ASNSD1: variants seen among roughly 807,000 people sequenced by gnomAD.
ASNSD1 encodes the protein asparagine synthetase domain-containing protein 1.
ASNSD1 carries 36 observed loss-of-function variants against 48.3 expected under a neutral mutation model. The observed-to-expected ratio is 0.75, with a 90% CI of 0.57 to 0.99. The LOEUF is 0.99. Among genes scored for constraint, ASNSD1 ranks in the 50% least tolerant of loss-of-function variants. The probability of loss-of-function intolerance (pLI) is 0.00; values close to 1 mark genes in which losing one functional copy is unlikely to be tolerated. For missense variants in ASNSD1, 714 were observed against 758.2 expected, an observed-to-expected ratio of 0.94 and a Z score of 0.69; for synonymous variants, 257 against 262.1, an observed-to-expected ratio of 0.98 and a Z score of 0.19.
At chr2:189,665,519 A>G (rs987876725) in intron 3 of ASNSD1, 68 bp downstream of exon 3, 7 of 378,784 alleles carry the variant, frequency 1.8e-5, no homozygotes, top group East Asian at 3.7e-5. Flanking sequence ...GTTAAAATAT[A>G]TATCTAAAGA....
At position 189,667,510 on chromosome 2, in the gene ASNSD1, A is replaced by G. The variant is rs142991277; in HGVS notation, c.1378A>G (p.Ile460Val). Reference protein sequence around the residue: ...RPLDTVLDDSIGCAVWFASRG... With the variant: ...RPLDTVLDDSVGCAVWFASRG... Reference sequence around the variant, plus strand: ...ATTGGATACAGTTTTGGATGATAGCATTGGCTGTGCAGTCTGGTTTGCTTC... The same window carrying G: ...ATTGGATACAGTTTTGGATGATAGCGTTGGCTGTGCAGTCTGGTTTGCTTC... The change falls in exon 4 of 6, where the codon ATT (isoleucine) becomes GTT (valine). Residue 460 changes from isoleucine to valine, a missense_variant. Physicochemically the swap from Ile to Val is conservative, Grantham distance 29. Coordinates refer to ENST00000260952, the MANE Select transcript of ASNSD1 (RefSeq NM_019048.4). 102 of 1,614,042 alleles carry G rather than the reference A, an allele frequency of 6.3e-5. 1 individual carries two copies. In the African/African-American group the frequency reaches 1.2e-3, roughly 19 times the overall value.
chr2:189,667,087 A>G lies in ASNSD1; in HGVS notation c.955A>G (p.Lys319Glu). 1.2e-6 allele frequency: 2 copies of G among 1,614,168 alleles called. No individual in the cohort carries two copies. The highest frequency in any genetic ancestry group is 1.6e-4 in the Middle Eastern group (1 of 6,062). Residue 319 changes from lysine to glutamate, a missense_variant, in exon 4 of 6, where the codon AAA (lysine) becomes GAA (glutamate). By Grantham distance (56) the Lys-to-Glu change is moderately conservative (BLOSUM62 1). Coordinates refer to ENST00000260952, the MANE Select transcript of ASNSD1 (RefSeq NM_019048.4). ...ANEVLKTCDR[K>E]ANVAILFSGG... is the part of the protein sequence containing the mutation. ...TGAAGTTTTGAAAACGTGTGATAGG[A>G]AAGCAAATGTTGCAATCCTGTTTTC...
In ASNSD1 at chr2:189,666,469, T is replaced by C. The variant is rs765982507; in HGVS notation, c.337T>C (p.Ser113Pro). The C allele has an allele frequency of 6.2e-7, 1 of 1,613,904 alleles. No homozygotes were observed. The highest frequency in any genetic ancestry group is 8.5e-7 in the Non-Finnish European group (1 of 1,179,926). Residue 113 changes from serine (S) to proline (P), a missense_variant, in exon 4 of 6, where the codon TCA (serine) becomes CCA (proline). Coordinates refer to ENST00000260952, the MANE Select transcript of ASNSD1 (RefSeq NM_019048.4). ...KNESEILSLF[S>P]EVQGPWSFIY... ...TGAATCTGAGATTTTGTCACTCTTC[T>C]CAGAAGTACAAGGTCCCTGGTCATT...
intron 3 of ASNSD1, among the ~76,000 whole-genome samples, 165 bp downstream of exon 3, chr2:189,665,616 A>ATATG (rs1455761332): frequency 1.4e-4 from 15 of 107,000 alleles, no homozygotes; most frequent in African/African-American, 4.9e-4. Flanking sequence ...ATATATATAT[A>ATATG]TATATATATA....
chr2:189,664,391 G>A lies in ASNSD1; in HGVS notation c.-169+437G>A, dbSNP rs143383631. ...AATTTTTACATAGATTTTCCTAAAT[G>A]TGTAACATGGTTATTTAATGCCATT... On this transcript the variant is annotated intron_variant, in intron 2 of 5. Coordinates refer to ENST00000260952, the MANE Select transcript of ASNSD1 (RefSeq NM_019048.4). Among the ~76,000 whole-genome samples, 155 of 152,308 alleles carry A rather than the reference G, an allele frequency of 1.0e-3. 1 individual carries two copies. The highest frequency in any genetic ancestry group is 3.4e-3 in the Middle Eastern group (1 of 294).
Position 189,667,322 on chromosome 2 carries a change from C to T in ASNSD1, c.1190C>T (p.Pro397Leu), listed in dbSNP as rs201954770. Reference protein sequence around the residue: ...KDVAAAAADSPNKHVSVPDRI... With the variant: ...KDVAAAAADSLNKHVSVPDRI... ...GTTGCTGCTGCTGCTGCTGACAGTC[C>T]TAATAAACATGTCAGTGTACCAGAT... Residue 397 changes from proline to leucine, a missense_variant, in exon 4 of 6, where the codon CCT becomes CTT. Coordinates refer to ENST00000260952, the MANE Select transcript of ASNSD1 (RefSeq NM_019048.4). 6.2e-7 allele frequency: 1 copy of T among 1,614,120 alleles called. No homozygotes were observed. Among genetic ancestry groups the T allele is most frequent in the African/African-American group, 1.3e-5 (1 of 75,052 alleles).
Position 189,666,388 on chromosome 2 carries a change from G to A in ASNSD1, c.256G>A (p.Glu86Lys). Reference sequence around the variant, plus strand: ...AGAAATTTTTAGTGGAATAAAGGTTGAAGCTGAAGAGAATGACACTCAAAT... The same window carrying A: ...AGAAATTTTTAGTGGAATAAAGGTTAAAGCTGAAGAGAATGACACTCAAAT... ...NGEIFSGIKV[E>K]AEENDTQILF... The change falls in exon 4 of 6, where the codon GAA becomes AAA. Residue 86 changes from glutamate (E) to lysine (K), a missense_variant. Glu to Lys is a moderately conservative substitution (Grantham distance 56). Coordinates refer to ENST00000260952, the MANE Select transcript of ASNSD1 (RefSeq NM_019048.4). 2 of 1,613,996 alleles carry A rather than the reference G, an allele frequency of 1.2e-6. No individual in the cohort carries two copies. The highest frequency in any genetic ancestry group is 2.2e-5 in the South Asian group (2 of 91,048).
chr2:189,666,865 A>T lies in ASNSD1; in HGVS notation c.733A>T (p.Asn245Tyr). Residue 245 changes from asparagine to tyrosine, a missense_variant, in exon 4 of 6, where the codon AAT becomes TAT. Physicochemically the swap from Asn to Tyr is moderately radical, Grantham distance 143. Transcript: ENST00000260952. The stretch of plus-strand genomic sequence containing the variant: ...TCTTGAAAAACCTGTTGTTCCTTTA[A>T]ATATGATGTTGCCACAAGCTGCATT... Reference protein sequence around the residue: ...LYLEKPVVPLNMMLPQAALET... With the variant: ...LYLEKPVVPLYMMLPQAALET... 1 of 1,614,094 alleles carries T rather than the reference A, an allele frequency of 6.2e-7. No homozygotes were observed. The highest frequency in any genetic ancestry group is 8.5e-7 in the Non-Finnish European group (1 of 1,180,008).
At position 189,661,555 on chromosome 2, in the gene ASNSD1, C is replaced by T. The variant is rs74593114; in HGVS notation, c.-278C>T. The T allele has an allele frequency of 4.8e-3, 1,923 of 399,288 alleles. 37 individuals are homozygous for T. Among genetic ancestry groups the T allele is most frequent in the African/African-American group, 0.036 (1,768 of 48,752 alleles). The allele number at this position is 399,288 out of a possible 1,614,324, so 24.7% of individuals were successfully genotyped here. On this transcript the variant is annotated 5_prime_UTR_variant, in exon 1 of 6. Coordinates refer to ENST00000260952, the MANE Select transcript of ASNSD1 (RefSeq NM_019048.4). Reference sequence around the variant, plus strand: ...CGAGGGACGCGACCAGAGGACAGCTCTGTGCTGATCCCCACCGACAATTCG... The same window carrying T: ...CGAGGGACGCGACCAGAGGACAGCTTTGTGCTGATCCCCACCGACAATTCG...
intron 5 of ASNSD1, 83 bp downstream of exon 5, chr2:189,668,028 C>T: frequency 7.7e-7 from 1 of 1,304,984 alleles, no homozygotes; most frequent in South Asian, 1.5e-5. Flanking sequence ...TTTGTTTTCT[C>T]TTTGGAGACT....
rs2032819228 is a variant in ASNSD1, at chr2:189,666,915, C to T, written c.783C>T (p.Ser261=). The T allele has an allele frequency of 6.2e-7, 1 of 1,613,846 alleles. No homozygotes were observed. The highest frequency in any genetic ancestry group is 1.7e-5 in the Admixed American group (1 of 59,994). The part of the protein sequence containing the change: ...AALETHCSNI[S]NVPPTREILQ... ...TGGAGACTCATTGCAGTAATATTTCCAATGTGCCACCTACAAGAGAGATAC... is the reference window on the plus strand; with the variant it reads ...TGGAGACTCATTGCAGTAATATTTCTAATGTGCCACCTACAAGAGAGATAC... The change falls in exon 4 of 6, where the codon TCC becomes TCT. Residue 261 remains serine, a synonymous_variant. Coordinates refer to ENST00000260952, the MANE Select transcript of ASNSD1 (RefSeq NM_019048.4).
rs1390747011 is a variant in ASNSD1 at position 189,666,990 on chromosome 2, C to T, written c.858C>T (p.Phe286=). The T allele has an allele frequency of 1.2e-6, 2 of 1,614,162 alleles. No individual in the cohort carries two copies. The highest frequency in any genetic ancestry group is 1.7e-6 in the Non-Finnish European group (2 of 1,180,026). The change falls in exon 4 of 6, where the codon TTC becomes TTT. Residue 286 remains phenylalanine, a synonymous_variant. Transcript: ENST00000260952. The stretch of plus-strand genomic sequence containing the variant: ...ACATGAAGGAAGTAATTCAGCAGTT[C>T]ATTGATGTCCTGAGTGTAGCAGTCA... ...DVHMKEVIQQ[F]IDVLSVAVKK... is the part of the protein sequence containing the mutation.
intron 2 of ASNSD1, 65 bp from the exon 3 acceptor site, chr2:189,665,311 T>A (rs2032760041): frequency 2.6e-6 from 1 of 386,620 alleles, no homozygotes; most frequent in Non-Finnish European, 4.6e-6. Context: ...GATAATAGGG[T>A]TTAAGGATTT....
chr2:189,670,152 A>G (rs2032895991), intron 5 of ASNSD1, among the ~76,000 whole-genome samples: 1 of 151,330 alleles, frequency 6.6e-6, no homozygotes, highest in Non-Finnish European at 1.5e-5. Flanking sequence ...CTACCAACAA[A>G]TACAAAGATT....
rs2032794306 is a variant in ASNSD1, at chr2:189,666,079, G to A, written c.-54G>A. 8.2e-6 allele frequency: 12 copies of A among 1,468,680 alleles called. No homozygotes were observed. The highest frequency in any genetic ancestry group is 9.9e-6 in the Non-Finnish European group (11 of 1,108,182). The allele number at this position is 1,468,680 out of a possible 1,614,324, so 91.0% of individuals were successfully genotyped here. ...ACTGAAAAAAGAATACCAAGAAATA[G>A]AAAACTTAGACAAGACCAAAATCAA... On this transcript the variant is annotated 5_prime_UTR_variant, in exon 4 of 6. Coordinates refer to ENST00000260952, the MANE Select transcript of ASNSD1 (RefSeq NM_019048.4).
Position 189,669,066 on chromosome 2 carries a change from T to TCA in ASNSD1, c.1646+1122_1646+1123insAC, listed in dbSNP as rs1045854990. On this transcript the variant is annotated intron_variant, in intron 5 of 5. Transcript: ENST00000260952. ...ACATACTACACTTTCTCTCCCTCTC[T>TCA]CTCTCTCTCTCTTTGACTTCATTGT... Among the ~76,000 whole-genome samples, 21 of 152,328 alleles carry TCA rather than the reference T, an allele frequency of 1.4e-4. 1 individual carries two copies. The highest frequency in any genetic ancestry group is 1.1e-3 in the Admixed American group (17 of 15,306).
rs199624553 is a variant in ASNSD1, at chr2:189,670,395, G to C, written c.1647-46G>C. The C allele has an allele frequency of 4.0e-6, 6 of 1,491,868 alleles. No individual in the cohort carries two copies. The Admixed American group carries it at 1.2e-4, about 30-fold the overall frequency. 92.4% of individuals were successfully genotyped at this position (1,491,868 alleles called of 1,614,324 possible). On this transcript the variant is annotated intron_variant, in intron 5 of 5. Coordinates refer to ENST00000260952, the MANE Select transcript of ASNSD1 (RefSeq NM_019048.4). ...TAAAACTGTGTATAAATCAAAGCAGGTTGATTTTATTTTTACATAGTGGTT... is the reference window on the plus strand; with the variant it reads ...TAAAACTGTGTATAAATCAAAGCAGCTTGATTTTATTTTTACATAGTGGTT...
chr2:189,665,640 A>ATGTG (rs2032783830), intron 3 of ASNSD1, among the ~76,000 whole-genome samples, 189 bp downstream of exon 3: 3 of 119,430 alleles, frequency 2.5e-5, no homozygotes, highest in Admixed American at 1.8e-4. Context: ...ATATATATAT[A>ATGTG]TATATATTAT....
chr2:189,669,736 G>T (rs1319256735), intron 5 of ASNSD1, among the ~76,000 whole-genome samples: 1 of 152,104 alleles, frequency 6.6e-6, no homozygotes, highest in African/African-American at 2.4e-5. Flanking sequence ...CTAGAAATTG[G>T]GGAAGGAAAA....
Sources: gnomAD v4.1 joint callset for allele counts (sites outside exome capture counted in the v4.1 genomes callset) on GRCh38, gnomAD v4.1.1 for gene constraint, MANE v1.5 for transcripts, NCBI Gene and HGNC (gene_info 2026-07-23, HGNC 2026-07-21) for gene names.